The following CSMD1 variants were observed in gnomAD, a reference collection of about 807,000 sequenced individuals.
CSMD1 encodes the protein CUB and sushi domain-containing protein 1.
In CSMD1, 213 loss-of-function variants were observed where a neutral mutation model predicts 417.5. The observed-to-expected ratio is 0.51, with a 90% CI of 0.46 to 0.57. The LOEUF (loss-of-function observed/expected upper bound fraction) is 0.57. Ranked by LOEUF, CSMD1 falls within the 20% of genes least tolerant of loss-of-function variation. The probability of loss-of-function intolerance (pLI) is 0.00; values close to 1 mark genes in which losing one functional copy is unlikely to be tolerated. For synonymous variants in CSMD1, 2,862 were observed against 1,736.8 expected (o/e 1.65, Z -16.11); for missense variants, 6,923 against 4,529.7 (o/e 1.53, Z -15.17).
chr8:4,290,277 T>G (rs555105026), intron 3 of CSMD1, among the ~76,000 whole-genome samples: 1 of 152,146 alleles, frequency 6.6e-6, no homozygotes, highest in African/African-American at 2.4e-5. Context: ...AAGAAAAGCA[T>G]GGTTTTCACA....
chr8:3,849,626 C>G (rs1389670829), intron 5 of CSMD1, among the ~76,000 whole-genome samples: 1 of 152,042 alleles, frequency 6.6e-6, no homozygotes, highest in African/African-American at 2.4e-5. Context: ...TCTGCTGGAG[C>G]CTACCTGGGG....
intron 3 of CSMD1, among the ~76,000 whole-genome samples, chr8:4,066,796 G>C (rs1465789062): frequency 1.3e-5 from 2 of 152,184 alleles, no homozygotes; most frequent in South Asian, 2.1e-4. Context: ...TGCAAGCTCT[G>C]CCTGTGCTCC....
intron 3 of CSMD1, among the ~76,000 whole-genome samples, chr8:4,352,019 C>T (rs1232065049): frequency 1.3e-5 from 2 of 148,548 alleles, no homozygotes; most frequent in African/African-American, 2.5e-5. Context: ...TAATGCAATG[C>T]TGATCGTTTA....
At chr8:3,975,634 A>C (rs1813380544) in intron 5 of CSMD1, among the ~76,000 whole-genome samples, 1 of 152,160 alleles carries the variant, frequency 6.6e-6, no homozygotes, top group South Asian at 2.1e-4. Flanking sequence ...AAGTGCCTGT[A>C]GGTGCCCAGC....
intron 12 of CSMD1, among the ~76,000 whole-genome samples, chr8:3,465,675 G>A (rs1027404810): frequency 6.6e-6 from 1 of 152,192 alleles, no homozygotes; most frequent in Admixed American, 6.5e-5. Flanking sequence ...TCTTGTCAAG[G>A]TTGGAGTAGG....
In CSMD1 at chr8:3,638,790, G is replaced by C. The variant is rs1797168106; in HGVS notation, c.1010-21993C>G. Among the ~76,000 whole-genome samples the C allele has an allele frequency of 2.0e-5, 3 of 152,094 alleles. No homozygotes were observed. In the South Asian group the frequency reaches 6.2e-4, roughly 32 times the overall value. ...ACCAAGAGAGAAACCAGCATGCATA[G>C]GTGACTCTGAGACTCCTCCCTCTCT... On this transcript the variant is annotated intron_variant, in intron 7 of 69. Coordinates refer to ENST00000635120, the MANE Select transcript of CSMD1 (RefSeq NM_033225.6).
chr8:4,619,808 A>G lies in CSMD1; in HGVS notation c.302+17534T>C, dbSNP rs547044483. Among the ~76,000 whole-genome samples, 3 of 152,276 alleles carry G rather than the reference A, an allele frequency of 2.0e-5. No individual in the cohort carries two copies. The East Asian group carries it at 5.8e-4, about 29-fold the overall frequency. Reference sequence around the variant, plus strand: ...TTGGTATTCATATCACATAGCACATATCAGTTGAAATAATATGTTTTGTTT... The same window carrying G: ...TTGGTATTCATATCACATAGCACATGTCAGTTGAAATAATATGTTTTGTTT... On this transcript the variant is annotated intron_variant, in intron 2 of 69. Transcript: ENST00000635120.
intron 28 of CSMD1, among the ~76,000 whole-genome samples, 165 bp from the exon 29 acceptor site, chr8:3,219,607 A>G (rs542249517): frequency 6.6e-6 from 1 of 152,350 alleles, no homozygotes; most frequent in African/African-American, 2.4e-5. Flanking sequence ...TATTAATAAA[A>G]TAGCAATAGT....
At chr8:4,935,803 C>A (rs1280161442) in intron 1 of CSMD1, among the ~76,000 whole-genome samples, 2 of 152,162 alleles carry the variant, frequency 1.3e-5, no homozygotes, top group African/African-American at 4.8e-5. Context: ...ATAGGAATTG[C>A]AACTTGAGAG....
rs1193391646 is a variant in CSMD1, at chr8:2,965,951, A to T, written c.9104T>A (p.Ile3035Lys). 2 of 1,601,178 alleles carry T rather than the reference A, an allele frequency of 1.2e-6. No individual in the cohort carries two copies. The highest frequency in any genetic ancestry group is 1.3e-5 in the African/African-American group (1 of 74,780). The change falls in exon 59 of 70, where the codon ATA becomes AAA. Residue 3035 changes from isoleucine (I) to lysine (K), a missense_variant. Coordinates refer to ENST00000635120, the MANE Select transcript of CSMD1 (RefSeq NM_033225.6). ...TAGTGTGCCTGGATCCCCACAACTTATAACTAATAAACAGGGAACAGGAAA... is the reference window on the plus strand; with the variant it reads ...TAGTGTGCCTGGATCCCCACAACTTTTAACTAATAAACAGGGAACAGGAAA... ...WTGTAPDCTI[I>K]SCGDPGTLAN... is the part of the protein sequence containing the mutation.
intron 36 of CSMD1, among the ~76,000 whole-genome samples, chr8:3,181,532 T>C (rs947373160): frequency 6.6e-6 from 1 of 152,198 alleles, no homozygotes; most frequent in Non-Finnish European, 1.5e-5. Context: ...TTTATTTTTT[T>C]ACTTGACATG....
At chr8:2,973,073 G>A (rs763400438) in intron 57 of CSMD1, 44 bp downstream of exon 57, 6 of 1,582,860 alleles carry the variant, frequency 3.8e-6, no homozygotes, top group East Asian at 2.3e-5. Flanking sequence ...CGAGCTGTGT[G>A]GTTTTAACTT....
chr8:4,603,519 C>A (rs1452329707), intron 2 of CSMD1, among the ~76,000 whole-genome samples: 1 of 151,938 alleles, frequency 6.6e-6, no homozygotes, highest in Non-Finnish European at 1.5e-5. Flanking sequence ...AAAAGATAAG[C>A]AGTGGGTAAA....
intron 9 of CSMD1, among the ~76,000 whole-genome samples, chr8:3,576,545 T>G (rs934818491): frequency 1.4e-4 from 21 of 152,304 alleles, no homozygotes; most frequent in East Asian, 7.7e-4. Flanking sequence ...TTAGCTAAAA[T>G]TGACCTATTC....
At chr8:3,241,455 C>T (rs1031234556) in intron 26 of CSMD1, among the ~76,000 whole-genome samples, 12 of 152,050 alleles carry the variant, frequency 7.9e-5, no homozygotes, top group East Asian at 5.8e-4. Context: ...ACAGGGCTTC[C>T]GAGGTGATCT....
chr8:4,828,085 A>G (rs1207282185), intron 1 of CSMD1, among the ~76,000 whole-genome samples: 1 of 152,120 alleles, frequency 6.6e-6, no homozygotes, highest in Non-Finnish European at 1.5e-5. Flanking sequence ...AATATTCTTC[A>G]GTCTTTTTTG....
intron 7 of CSMD1, among the ~76,000 whole-genome samples, chr8:3,646,166 A>G (rs1040081352): frequency 4.0e-4 from 61 of 152,112 alleles, no homozygotes; most frequent in African/African-American, 1.4e-3. Context: ...ATATAAAATG[A>G]AAAAGGTGAA....
intron 49 of CSMD1, among the ~76,000 whole-genome samples, chr8:3,065,303 GTAGATAGA>G (rs78833976): frequency 6.7e-6 from 1 of 149,384 alleles, no homozygotes; most frequent in Non-Finnish European, 1.5e-5. Flanking sequence ...AGATAGATAG[GTAGATAGA>G]TAGATAGACA....
At chr8:4,642,486 T>A (rs1317588195) in intron 1 of CSMD1, among the ~76,000 whole-genome samples, 1 of 152,166 alleles carries the variant, frequency 6.6e-6, no homozygotes, top group Non-Finnish European at 1.5e-5. Context: ...GCAGCTGAGA[T>A]GATTCATCTG....
Sources: gnomAD v4.1 joint callset for allele counts (sites outside exome capture counted in the v4.1 genomes callset) on GRCh38, gnomAD v4.1.1 for gene constraint, MANE v1.5 for transcripts, NCBI Gene and HGNC (gene_info 2026-07-23, HGNC 2026-07-21) for gene names.